CCDC3: variants seen among roughly 807,000 people sequenced by gnomAD.
CCDC3 encodes the protein coiled-coil domain-containing protein 3.
A neutral mutation model predicts 21.4 loss-of-function variants in CCDC3; 24 were observed. The ratio of observed to expected loss-of-function variants is 1.12; its 90% CI spans 0.81 to 1.58. The LOEUF (loss-of-function observed/expected upper bound fraction) is 1.58, where lower values mean the gene tolerates loss of function less well. Among genes scored for constraint, CCDC3 ranks in the 40% most tolerant of loss-of-function variants. The probability of loss-of-function intolerance (pLI) is 0.00; values close to 1 mark genes in which losing one functional copy is unlikely to be tolerated. For missense variants in CCDC3, 425 were observed against 360.9 expected (o/e 1.18, Z -1.44); for synonymous variants, 186 against 166.0 (o/e 1.12, Z -0.93).
chr10:12,950,706 A>T (rs971813597), intron 2 of CCDC3, among the ~76,000 whole-genome samples: 29 of 151,976 alleles, frequency 1.9e-4, no homozygotes, highest in African/African-American at 7.0e-4. Context: ...ACAGTTCCTG[A>T]CTCCTCGCCC....
chr10:13,066,571 G>A (rs1403271504), intron 4 of CCDC3, among the ~76,000 whole-genome samples: 4 of 152,224 alleles, frequency 2.6e-5, no homozygotes, highest in Admixed American at 1.3e-4. Flanking sequence ...AAGGCAAACA[G>A]CAAAACCCAT....
rs113974498 is a variant in CCDC3, at chr10:12,898,492, C to A, written c.737G>T (p.Ser246Ile). The A allele has an allele frequency of 5.9e-5, 96 of 1,613,762 alleles. 2 individuals carry two copies. In the African/African-American group the frequency reaches 1.0e-3, roughly 17 times the overall value. The change falls in exon 3 of 3, where the codon AGT becomes ATT. Residue 246 changes from serine (S) to isoleucine (I), a missense_variant. By Grantham distance (142) the Ser-to-Ile change is moderately radical. Coordinates refer to ENST00000378825, the MANE Select transcript of CCDC3 (RefSeq NM_031455.4). The stretch of plus-strand genomic sequence containing the variant: ...CAGCGCGCCCGCCGCCAGCTTCTCA[C>A]TGAGTTTCTGGTTCGCCAGCTCCAG... Reference protein sequence around the residue: ...RHLELANQKLSEKLAAGALPH... With the variant: ...RHLELANQKLIEKLAAGALPH...
At chr10:13,019,628 A>G (rs1836119767) in intron 5 of CCDC3, among the ~76,000 whole-genome samples, 2 of 152,346 alleles carry the variant, frequency 1.3e-5, no homozygotes, top group South Asian at 4.1e-4. Flanking sequence ...AAAATACATT[A>G]TAACTTAATG....
chr10:12,981,177 A>ATTTTTTTT (rs59193619), intron 2 of CCDC3, among the ~76,000 whole-genome samples: 7 of 105,562 alleles, frequency 6.6e-5, no homozygotes, highest in Admixed American at 1.1e-4. Context: ...CTGGCCCAGG[A>ATTTTTTTT]TTTTTTTTTT....
chr10:12,928,879 C>T (rs1369606262), intron 2 of CCDC3, among the ~76,000 whole-genome samples: 1 of 152,206 alleles, frequency 6.6e-6, no homozygotes, highest in African/African-American at 2.4e-5. Context: ...CCCTCTGACA[C>T]ATACCCAGGG....
chr10:13,005,179 C>T (rs527786608), upstream of CCDC3, among the ~76,000 whole-genome samples: 64 of 152,300 alleles, frequency 4.2e-4, no homozygotes, highest in Non-Finnish European at 8.8e-4. Context: ...CACCAGTGTC[C>T]TTCAGGATCA....
chr10:13,040,956 T>C (rs1836446856), intron 5 of CCDC3, among the ~76,000 whole-genome samples: 1 of 152,210 alleles, frequency 6.6e-6, no homozygotes, highest in East Asian at 1.9e-4. Flanking sequence ...TGAGAATCTT[T>C]CTTGTTTTTT....
intron 2 of CCDC3, among the ~76,000 whole-genome samples, chr10:12,917,180 CTTTTTTTTTTTTTT>C (rs56054100): frequency 3.4e-4 from 20 of 58,240 alleles, no homozygotes; most frequent in African/African-American, 8.8e-4. Flanking sequence ...ATTTCTTCTT[CTTTTTTTTTTTTTT>C]TTTTTTTTTT....
chr10:13,023,723 C>T (rs1409414551), intron 5 of CCDC3, among the ~76,000 whole-genome samples: 1 of 152,054 alleles, frequency 6.6e-6, no homozygotes, highest in East Asian at 1.9e-4. Flanking sequence ...ATATAATTAT[C>T]CCCTCCAAAG....
intron 4 of CCDC3, among the ~76,000 whole-genome samples, chr10:13,068,067 T>C (rs201616929): frequency 6.6e-6 from 1 of 152,314 alleles, no homozygotes; most frequent in East Asian, 1.9e-4. Flanking sequence ...TGGGACTCCT[T>C]GGGAAAAACA....
intron 2 of CCDC3, among the ~76,000 whole-genome samples, chr10:12,986,709 C>G (rs1034042368): frequency 2.0e-5 from 3 of 151,152 alleles, no homozygotes; most frequent in Non-Finnish European, 4.4e-5. Context: ...GGAGGCGGAG[C>G]TTGCAGTGAG....
chr10:13,012,727 C>T (rs1339192718), intron 5 of CCDC3, among the ~76,000 whole-genome samples: 1 of 151,964 alleles, frequency 6.6e-6, no homozygotes, highest in Non-Finnish European at 1.5e-5. Context: ...GCTGAGATTG[C>T]ACCACCGCAC....
chr10:13,088,771 C>G (rs1397730642), intron 3 of CCDC3, among the ~76,000 whole-genome samples: 1 of 152,088 alleles, frequency 6.6e-6, no homozygotes, highest in Non-Finnish European at 1.5e-5. Context: ...GCCTGTAATC[C>G]CAGCACTTCG....
At chr10:13,066,604 A>G (rs1408852822) in intron 4 of CCDC3, among the ~76,000 whole-genome samples, 1 of 152,236 alleles carries the variant, frequency 6.6e-6, no homozygotes, top group Non-Finnish European at 1.5e-5. Flanking sequence ...CCATGATGAG[A>G]CAGCCAAATG....
At chr10:12,998,656 T>C in intron 1 of CCDC3, 144 bp from the exon 2 acceptor site, 1 of 696,954 alleles carries the variant, frequency 1.4e-6, no homozygotes, top group Non-Finnish European at 2.4e-6. Flanking sequence ...TTACTACTTC[T>C]AATTATTTCT....
intron 2 of CCDC3, among the ~76,000 whole-genome samples, chr10:12,908,036 G>A (rs1834202023): frequency 6.6e-6 from 1 of 152,202 alleles, no homozygotes; most frequent in Admixed American, 6.5e-5. Context: ...GATGGCCCAT[G>A]ATTAAAATCA....
At chr10:13,091,912 C>G (rs758715524) in intron 3 of CCDC3, among the ~76,000 whole-genome samples, 2 of 151,824 alleles carry the variant, frequency 1.3e-5, no homozygotes, top group Non-Finnish European at 2.9e-5. Flanking sequence ...AGAAATAATC[C>G]TAAATGCCAG....
At chr10:12,959,537 CA>C (rs1300366690) in intron 2 of CCDC3, among the ~76,000 whole-genome samples, 1 of 152,110 alleles carries the variant, frequency 6.6e-6, no homozygotes, top group East Asian at 1.9e-4. Context: ...AGATACCCAA[CA>C]ATTACTAATT....
intron 2 of CCDC3, among the ~76,000 whole-genome samples, chr10:12,958,966 G>C (rs531100621): frequency 6.6e-6 from 1 of 152,312 alleles, no homozygotes; most frequent in East Asian, 1.9e-4. Flanking sequence ...GATCAACCTA[G>C]TGGGAATGGG....
Sources: gnomAD v4.1 joint callset for allele counts (sites outside exome capture counted in the v4.1 genomes callset) on GRCh38, gnomAD v4.1.1 for gene constraint, MANE v1.5 for transcripts, NCBI Gene and HGNC (gene_info 2026-07-23, HGNC 2026-07-21) for gene names.